The following SRBD1 variants were observed in gnomAD, a reference collection of about 807,000 sequenced individuals.
SRBD1 encodes S1 RNA binding domain 1, also known as S1 RNA-binding domain-containing protein 1.
In SRBD1, 88 loss-of-function variants were observed where a neutral mutation model predicts 115.3. The ratio of observed to expected loss-of-function variants is 0.76; its 90% CI spans 0.64 to 0.91. The LOEUF (loss-of-function observed/expected upper bound fraction) is 0.91, where lower values mean the gene tolerates loss of function less well. SRBD1 is among the 40% of genes least tolerant of loss of function. SRBD1 has a pLI of 0.00. For synonymous variants in SRBD1, 509 were observed against 407.7 expected (o/e 1.25, Z -2.99); for missense variants, 1,385 against 1,177.4 (o/e 1.18, Z -2.58).
chr2:45,472,532 G>T (rs569233419), intron 16 of SRBD1, among the ~76,000 whole-genome samples: 2 of 152,280 alleles, frequency 1.3e-5, no homozygotes, highest in African/African-American at 4.8e-5. Context: ...GAGTGCAGTG[G>T]CTATGCAAAG....
chr2:45,534,950 T>C (rs1035621841), intron 14 of SRBD1, among the ~76,000 whole-genome samples: 2 of 151,892 alleles, frequency 1.3e-5, no homozygotes, highest in African/African-American at 4.8e-5. Context: ...CGAGAAATCA[T>C]CCAAAAATCT....
At chr2:45,485,582 G>A (rs1020906936) in intron 15 of SRBD1, among the ~76,000 whole-genome samples, 1 of 152,010 alleles carries the variant, frequency 6.6e-6, no homozygotes, top group South Asian at 2.1e-4. Flanking sequence ...GCATTGTGGG[G>A]GAATATAAGC....
rs190929302 is a variant in SRBD1 at position 45,562,078 on chromosome 2, C to T, written c.1409+575G>A. The stretch of plus-strand genomic sequence containing the variant: ...AAAGTAATGAAGTAAAACAGTTCTT[C>T]TCCACAGAGATAATCACTATCAAAA... On this transcript the variant is annotated intron_variant, in intron 10 of 20. Coordinates refer to ENST00000263736, the MANE Select transcript of SRBD1 (RefSeq NM_018079.5). Among the ~76,000 whole-genome samples, 1,133 of 152,306 alleles carry T rather than the reference C, an allele frequency of 7.4e-3. 13 individuals carry two copies. Among genetic ancestry groups the T allele is most frequent in the Non-Finnish European group, 0.011 (746 of 68,016 alleles).
chr2:45,608,145 C>T (rs903595484), intron 1 of SRBD1, among the ~76,000 whole-genome samples: 1 of 152,214 alleles, frequency 6.6e-6, no homozygotes, highest in African/African-American at 2.4e-5. Flanking sequence ...AAACCCTTGG[C>T]AGGCTTATGT....
rs1558387139 is a variant in SRBD1, at chr2:45,428,573, AATAAATAAATAC to A, written c.2050-8691_2050-8680del. The stretch of plus-strand genomic sequence containing the variant: ...TCTCAAAAAAATAAATAAATAAATA[AATAAATAAATAC>A]ATAAATAAATAAATAAGTTCTTTGA... On this transcript the variant is annotated intron_variant, in intron 16 of 20. Coordinates refer to ENST00000263736, the MANE Select transcript of SRBD1 (RefSeq NM_018079.5). 3.2e-5 allele frequency among the ~76,000 whole-genome samples: 4 copies of A among 123,310 alleles called. No individual in the cohort carries two copies. In the East Asian group the frequency reaches 5.9e-4, roughly 18 times the overall value. 80.9% of individuals were successfully genotyped at this position (123,310 alleles called of 152,430 possible). A position where few individuals can be genotyped will look rare whatever the true frequency, so the allele number is the denominator to read the frequency against.
intron 12 of SRBD1, among the ~76,000 whole-genome samples, chr2:45,550,434 A>T (rs1672259814): frequency 6.6e-6 from 1 of 151,966 alleles, no homozygotes; most frequent in African/African-American, 2.4e-5. Context: ...TATTACCTTC[A>T]AAGGAACAAT....
At chr2:45,509,668 A>C (rs955919066) in intron 14 of SRBD1, among the ~76,000 whole-genome samples, 1 of 150,684 alleles carries the variant, frequency 6.6e-6, no homozygotes, top group Non-Finnish European at 1.5e-5. Context: ...ACTAAAGGTC[A>C]TATTTTCCCT....
chr2:45,454,114 T>C (rs961819989), intron 16 of SRBD1, among the ~76,000 whole-genome samples: 3 of 151,984 alleles, frequency 2.0e-5, no homozygotes, highest in Non-Finnish European at 4.4e-5. Context: ...CAAAGACTAA[T>C]GTACAGCCCT....
chr2:45,434,962 G>A (rs765588091), intron 16 of SRBD1, among the ~76,000 whole-genome samples: 5 of 145,680 alleles, frequency 3.4e-5, no homozygotes, highest in Non-Finnish European at 6.0e-5. Flanking sequence ...GATGTTCCCC[G>A]CCCTGTGTCC....
At chr2:45,558,685 A>AT (rs1214807980) in intron 10 of SRBD1, among the ~76,000 whole-genome samples, 15,565 of 90,134 alleles carry the variant, frequency 0.17, 1,438 homozygotes, top group African/African-American at 0.23. Flanking sequence ...CCACACAATT[A>AT]TTTTTTTTTT....
intron 20 of SRBD1, among the ~76,000 whole-genome samples, chr2:45,390,337 C>T (rs933410425): frequency 3.3e-5 from 5 of 152,174 alleles, no homozygotes; most frequent in African/African-American, 1.2e-4. Context: ...ATTTCTGTTT[C>T]CAAGTTCTTT....
rs572540431 is a variant in SRBD1, at chr2:45,468,600, G to C, written c.2049+8393C>G. 3.9e-4 allele frequency among the ~76,000 whole-genome samples: 59 copies of C among 152,120 alleles called. No homozygotes were observed. The South Asian group carries it at 0.011, about 27-fold the overall frequency. ...GATGACGTCTCACTATGTCACTCAG[G>C]CTGTCTCAAACTCCTGGGCTCAAGC... On this transcript the variant is annotated intron_variant, in intron 16 of 20. Transcript: ENST00000263736.
intron 16 of SRBD1, among the ~76,000 whole-genome samples, chr2:45,434,692 C>T (rs1442453521): frequency 6.6e-6 from 1 of 151,984 alleles, no homozygotes; most frequent in Non-Finnish European, 1.5e-5. Flanking sequence ...ACTTTTGGCC[C>T]AGAGGTGTTT....
At chr2:45,571,252 G>A (rs1476144578) in intron 9 of SRBD1, among the ~76,000 whole-genome samples, 1 of 152,006 alleles carries the variant, frequency 6.6e-6, no homozygotes, top group Non-Finnish European at 1.5e-5. Flanking sequence ...TTTTCTTTTA[G>A]GGGATTTTTT....
At chr2:45,458,853 G>A (rs538147446) in intron 16 of SRBD1, among the ~76,000 whole-genome samples, 5 of 152,144 alleles carry the variant, frequency 3.3e-5, no homozygotes, top group African/African-American at 1.2e-4. Flanking sequence ...ATGACTACAG[G>A]GGAATCACTA....
intron 16 of SRBD1, among the ~76,000 whole-genome samples, chr2:45,463,020 G>A (rs1197626582): frequency 1.1e-4 from 3 of 28,098 alleles, no homozygotes; most frequent in Non-Finnish European, 3.3e-4. Context: ...AATAACCCGG[G>A]GGGGGGGGGG....
chr2:45,493,252 A>T (rs539081139), intron 14 of SRBD1, among the ~76,000 whole-genome samples: 2 of 152,220 alleles, frequency 1.3e-5, no homozygotes, highest in African/African-American at 2.4e-5. Flanking sequence ...AATACAAAGC[A>T]CTAAAAACAT....
chr2:45,474,890 A>C lies in SRBD1; in HGVS notation c.2049+2103T>G, dbSNP rs954254847. On this transcript the variant is annotated intron_variant, in intron 16 of 20. Transcript: ENST00000263736. Reference sequence around the variant, plus strand: ...GGTACACATGTACACCTTTTCTGTCAACTCATGGAATTAGGAGTTCTGAAT... The same window carrying C: ...GGTACACATGTACACCTTTTCTGTCCACTCATGGAATTAGGAGTTCTGAAT... Among the ~76,000 whole-genome samples the C allele has an allele frequency of 9.2e-5, 14 of 152,268 alleles. No homozygotes were observed. The Middle Eastern group carries it at 0.017, about 185-fold the overall frequency.
chr2:45,457,530 T>C (rs1003483754), intron 16 of SRBD1, among the ~76,000 whole-genome samples: 4 of 151,984 alleles, frequency 2.6e-5, no homozygotes, highest in African/African-American at 4.8e-5. Flanking sequence ...TCTTTTTATT[T>C]CAAATCTCAA....
Sources: allele counts gnomAD v4.1 joint callset (sites outside exome capture counted in the v4.1 genomes callset), GRCh38; gene constraint gnomAD v4.1.1; transcripts MANE v1.5; gene names NCBI Gene and HGNC (gene_info 2026-07-23, HGNC 2026-07-21).